Variants in SBF2 observed in about 807,000 individuals in gnomAD.
SBF2 encodes the protein SET binding factor 2, also known as myotubularin-related protein 13.
In SBF2, 112 loss-of-function variants were observed where a neutral mutation model predicts 225.2. That is an observed-to-expected ratio of 0.50 (90% CI 0.43 to 0.58). The LOEUF is 0.58. SBF2 is among the 20% of genes least tolerant of loss of function. SBF2 has a pLI of 0.00. For synonymous variants in SBF2, 763 were observed against 773.3 expected (o/e 0.99, Z 0.22); for missense variants, 1,996 against 2,206.2 (o/e 0.90, Z 1.91).
chr11:10,293,833 G>GC (rs991674343), intron 1 of SBF2, among the ~76,000 whole-genome samples, 182 bp downstream of exon 1: 2 of 151,750 alleles, frequency 1.3e-5, no homozygotes, highest in Non-Finnish European at 2.9e-5. Context: ...CGTCGTGCCG[G>GC]CCCCCCCACG....
intron 32 of SBF2, among the ~76,000 whole-genome samples, chr11:9,806,064 A>G (rs2037778791): frequency 6.6e-6 from 1 of 152,232 alleles, no homozygotes; most frequent in Non-Finnish European, 1.5e-5. Context: ...GTTAGATACT[A>G]GGGATATGAA....
intron 2 of SBF2, among the ~76,000 whole-genome samples, chr11:10,135,991 C>T (rs980652463): frequency 2.0e-5 from 3 of 152,030 alleles, no homozygotes; most frequent in Non-Finnish European, 2.9e-5. Flanking sequence ...TGATACTGGG[C>T]GATTTACAAA....
chr11:10,251,256 G>A (rs565555037), intron 1 of SBF2, among the ~76,000 whole-genome samples: 1 of 152,270 alleles, frequency 6.6e-6, no homozygotes, highest in East Asian at 1.9e-4. Flanking sequence ...ATATTGTCAG[G>A]AAGCCTTCAC....
chr11:10,228,989 A>G (rs1232913855), intron 1 of SBF2, among the ~76,000 whole-genome samples: 1 of 152,076 alleles, frequency 6.6e-6, no homozygotes, highest in Non-Finnish European at 1.5e-5. Flanking sequence ...TTATTGCCAC[A>G]GTTTCAGCTC....
At chr11:10,131,985 T>G (rs1954082687) in intron 2 of SBF2, among the ~76,000 whole-genome samples, 1 of 152,222 alleles carries the variant, frequency 6.6e-6, no homozygotes, top group African/African-American at 2.4e-5. Context: ...TAGTTTTACA[T>G]TTTAAACTTC....
At position 10,047,085 on chromosome 11, in the gene SBF2, T is replaced by C. The variant is rs1264022958; in HGVS notation, c.142-4104A>G. On this transcript the variant is annotated intron_variant, in intron 2 of 39. Transcript: ENST00000256190. ...TCTAACAAGATACGCAAAAGATCTA[T>C]ATAAGGAAAACTATAACACTCTGAT... Among the ~76,000 whole-genome samples, 3 of 152,152 alleles carry C rather than the reference T, an allele frequency of 2.0e-5. No homozygotes were observed. The East Asian group carries it at 5.8e-4, about 29-fold the overall frequency.
chr11:9,930,266 C>G (rs76220699), intron 16 of SBF2, among the ~76,000 whole-genome samples: 1 of 152,056 alleles, frequency 6.6e-6, no homozygotes, highest in Non-Finnish European at 1.5e-5. Context: ...AATATTTATA[C>G]AATATATAAC....
intron 13 of SBF2, among the ~76,000 whole-genome samples, chr11:9,986,131 C>A (rs543370664): frequency 2.6e-5 from 4 of 152,228 alleles, no homozygotes; most frequent in South Asian, 2.1e-4. Flanking sequence ...CCAAAAGGAA[C>A]CTTCAAAACC....
intron 1 of SBF2, among the ~76,000 whole-genome samples, chr11:10,292,337 G>A (rs772922671): frequency 3.3e-5 from 5 of 152,148 alleles, no homozygotes; most frequent in Admixed American, 6.5e-5. Context: ...TTGGGGGGCG[G>A]GTAGAATTTT....
chr11:10,085,726 A>G (rs1335595203), intron 2 of SBF2, among the ~76,000 whole-genome samples: 3 of 152,120 alleles, frequency 2.0e-5, no homozygotes, highest in Non-Finnish European at 2.9e-5. Context: ...GATTTTGAAT[A>G]CTGTTTTAAT....
intron 1 of SBF2, among the ~76,000 whole-genome samples, chr11:10,201,499 A>G (rs1957568645): frequency 6.6e-6 from 1 of 152,206 alleles, no homozygotes; most frequent in Non-Finnish European, 1.5e-5. Context: ...TTCATATTTG[A>G]TCCATTTAGC....
chr11:10,101,157 G>C (rs1352956158), intron 2 of SBF2, among the ~76,000 whole-genome samples: 2 of 152,070 alleles, frequency 1.3e-5, no homozygotes, highest in African/African-American at 4.8e-5. Flanking sequence ...CATTCGGTGA[G>C]CCCTGAAGGA....
At chr11:9,988,630 T>C (rs1172849043) in intron 13 of SBF2, among the ~76,000 whole-genome samples, 2 of 151,994 alleles carry the variant, frequency 1.3e-5, no homozygotes, top group African/African-American at 2.4e-5. Flanking sequence ...GGTATACAAA[T>C]AGCCAATAAA....
chr11:9,971,585 A>G (rs556282171), intron 13 of SBF2, among the ~76,000 whole-genome samples: 1 of 152,226 alleles, frequency 6.6e-6, no homozygotes, highest in African/African-American at 2.4e-5. Context: ...GGACTGAGGG[A>G]GGAGGATAGT....
intron 32 of SBF2, 151 bp from the exon 33 acceptor site, chr11:9,796,108 G>A: frequency 1.2e-6 from 1 of 800,888 alleles, no homozygotes; most frequent in Non-Finnish European, 2.0e-6. Context: ...GAGATGGGAA[G>A]GGAACCAGCT....
chr11:9,924,826 GCAGCCTC>G (rs1371734535), intron 16 of SBF2, among the ~76,000 whole-genome samples: 6 of 152,090 alleles, frequency 3.9e-5, no homozygotes, highest in Admixed American at 2.0e-4. Context: ...ACAGCTCACT[GCAGCCTC>G]CACCTTCCAG....
chr11:9,834,552 T>G (rs1855619564), intron 26 of SBF2, among the ~76,000 whole-genome samples: 1 of 152,176 alleles, frequency 6.6e-6, no homozygotes, highest in Non-Finnish European at 1.5e-5. Context: ...CTTTACTGAA[T>G]GCCAAATTAA....
intron 2 of SBF2, among the ~76,000 whole-genome samples, chr11:10,162,371 T>C (rs572839528): frequency 6.6e-6 from 1 of 152,196 alleles, no homozygotes; most frequent in South Asian, 2.1e-4. Context: ...GAATGACAAA[T>C]ATAACCAAGA....
chr11:10,070,812 T>G (rs897042346), intron 2 of SBF2, among the ~76,000 whole-genome samples: 1 of 152,242 alleles, frequency 6.6e-6, no homozygotes, highest in Non-Finnish European at 1.5e-5. Flanking sequence ...TTTTTCCATT[T>G]GTTTGTGTCC....
Sources: allele counts gnomAD v4.1 joint callset (sites outside exome capture counted in the v4.1 genomes callset), GRCh38; gene constraint gnomAD v4.1.1; transcripts MANE v1.5; gene names NCBI Gene and HGNC (gene_info 2026-07-23, HGNC 2026-07-21).